NID1: variants seen among roughly 807,000 people sequenced by gnomAD.
The protein encoded by NID1 is nidogen 1.
In NID1, 76 loss-of-function variants were observed where a neutral mutation model predicts 130.6. The observed-to-expected ratio is 0.58, with a 90% CI of 0.48 to 0.70. NID1 has a LOEUF of 0.70. NID1 is among the 30% of genes least tolerant of loss of function. NID1 has a pLI of 0.00. For synonymous variants in NID1, 665 were observed against 675.1 expected (o/e 0.98, Z 0.23); for missense variants, 1,517 against 1,664.8 (o/e 0.91, Z 1.54).
In NID1 at chr1:235,999,060, C is replaced by G. The variant is rs1347976584; in HGVS notation, c.2528-5188G>C. 2.6e-5 allele frequency among the ~76,000 whole-genome samples: 4 copies of G among 152,208 alleles called. No individual in the cohort carries two copies. The East Asian group carries it at 7.7e-4, about 29-fold the overall frequency. ...CTTAGACGGCTCCCTCACATTGAAC[C>G]TGTTACGACAACAGCGATGTACACA... On this transcript the variant is annotated intron_variant, in intron 12 of 19. Coordinates refer to ENST00000264187, the MANE Select transcript of NID1 (RefSeq NM_002508.3).
chr1:236,025,682 T>G (rs1405306079), intron 8 of NID1, among the ~76,000 whole-genome samples: 1 of 152,222 alleles, frequency 6.6e-6, no homozygotes, highest in Non-Finnish European at 1.5e-5. Flanking sequence ...CACTTTACTT[T>G]AGATAGAATC....
In NID1 at chr1:236,042,306, C is replaced by T; in HGVS notation, c.753-14G>A. The T allele has an allele frequency of 6.3e-7, 1 of 1,593,608 alleles. No individual in the cohort carries two copies. The highest frequency in any genetic ancestry group is 8.5e-7 in the Non-Finnish European group (1 of 1,175,662). On this transcript the variant is annotated splice_polypyrimidine_tract_variant and intron_variant, in intron 3 of 19. Coordinates refer to ENST00000264187, the MANE Select transcript of NID1 (RefSeq NM_002508.3). ...GAGTTACTACTCCTAGGAGGAAGGA[C>T]AGGCTTCTTAGAAACAGGCCAGCAA...
At chr1:235,988,880 T>C (rs546122238) in intron 14 of NID1, among the ~76,000 whole-genome samples, 3 of 152,132 alleles carry the variant, frequency 2.0e-5, no homozygotes, top group Admixed American at 1.3e-4. Context: ...GGAGGGAGAA[T>C]GGGGAGGTAT....
intron 3 of NID1, among the ~76,000 whole-genome samples, chr1:236,044,756 A>G (rs537824987): frequency 6.6e-6 from 1 of 152,332 alleles, no homozygotes; most frequent in South Asian, 2.1e-4. Context: ...CTTTTGTCAA[A>G]TTCTACAACA....
intron 1 of NID1, among the ~76,000 whole-genome samples, chr1:236,053,437 TA>T (rs1659816527): frequency 6.6e-6 from 1 of 152,118 alleles, no homozygotes; most frequent in South Asian, 2.1e-4. Flanking sequence ...CCATCTCAGC[TA>T]CCAACAGCAC....
At chr1:235,998,047 C>A (rs765526696) in intron 12 of NID1, among the ~76,000 whole-genome samples, 27 of 152,160 alleles carry the variant, frequency 1.8e-4, no homozygotes, top group Admixed American at 1.7e-3. Context: ...GGTGACGAGA[C>A]AAGGCACACA....
chr1:235,984,653 G>A (rs192757429), intron 15 of NID1, among the ~76,000 whole-genome samples: 1 of 152,332 alleles, frequency 6.6e-6, no homozygotes, highest in East Asian at 1.9e-4. Context: ...ATATTCCCAA[G>A]TCAGTTGATG....
At chr1:236,050,842 C>T (rs148266792) in intron 1 of NID1, among the ~76,000 whole-genome samples, 2,571 of 152,226 alleles carry the variant, frequency 0.017, 78 homozygotes, top group African/African-American at 0.058. Context: ...CTTTGGGAAG[C>T]GGAGGTGGGT....
intron 12 of NID1, among the ~76,000 whole-genome samples, chr1:235,995,523 C>G (rs1298231199): frequency 6.6e-6 from 1 of 152,194 alleles, no homozygotes; most frequent in Non-Finnish European, 1.5e-5. Context: ...ATCGACCACA[C>G]AAAGCAATGT....
At position 235,985,512 on chromosome 1, in the gene NID1, G is replaced by A. The variant is rs749422045; in HGVS notation, c.2929-7C>T. The A allele has an allele frequency of 1.2e-6, 2 of 1,613,878 alleles. No homozygotes were observed. Among genetic ancestry groups the A allele is most frequent in the Admixed American group, 1.7e-5 (1 of 59,994 alleles). The stretch of plus-strand genomic sequence containing the variant: ...GTCCAATGATGACTTTAGCCTGGAT[G>A]TGAAGACCAGTGGTTAGAATGGTCC... On this transcript the variant is annotated splice_polypyrimidine_tract_variant and splice_region_variant and intron_variant, in intron 14 of 19. Coordinates refer to ENST00000264187, the MANE Select transcript of NID1 (RefSeq NM_002508.3).
At chr1:236,013,731 G>A (rs1465133487) in intron 10 of NID1, among the ~76,000 whole-genome samples, 171 bp from the exon 11 acceptor site, 1 of 152,202 alleles carries the variant, frequency 6.6e-6, no homozygotes, top group Admixed American at 6.5e-5. Flanking sequence ...TGCTTTCACC[G>A]TTTCCTCCCA....
intron 12 of NID1, 26 bp downstream of exon 12, chr1:236,011,895 C>T (rs200138338): frequency 1.2e-5 from 19 of 1,612,412 alleles, no homozygotes; most frequent in African/African-American, 2.7e-5. Context: ...AATGGGCTAC[C>T]GACTCCAGAT....
intron 12 of NID1, among the ~76,000 whole-genome samples, chr1:235,999,066 C>G (rs116569743): frequency 2.6e-5 from 4 of 152,180 alleles, no homozygotes; most frequent in African/African-American, 9.7e-5. Context: ...GAACCTGTTA[C>G]GACAACAGCG....
chr1:236,053,553 C>T (rs1659819593), intron 1 of NID1, among the ~76,000 whole-genome samples: 1 of 152,160 alleles, frequency 6.6e-6, no homozygotes, highest in Non-Finnish European at 1.5e-5. Context: ...GGCATCCCCT[C>T]CAGTGGAAGC....
intron 2 of NID1, among the ~76,000 whole-genome samples, chr1:236,046,839 T>C (rs113822686): frequency 8.5e-5 from 13 of 152,246 alleles, no homozygotes; most frequent in African/African-American, 2.9e-4. Context: ...AAATGTGTCA[T>C]GCAGGCCCCT....
In NID1 at chr1:236,017,189, C is replaced by T. The variant is rs1307409080; in HGVS notation, c.2213G>A (p.Cys738Tyr). 1.9e-6 allele frequency: 3 copies of T among 1,614,192 alleles called. No homozygotes were observed. The East Asian group carries it at 6.7e-5, about 36-fold the overall frequency. ...ATCTGAAAACTGGTAGCCCTCCACA[C>T]ACTCGCAGCGGAAGGTTCCTGGGTG... ...NNHPGTFRCE[C>Y]VEGYQFSDEG... Residue 738 changes from cysteine to tyrosine, a missense_variant, in exon 10 of 20, where the codon TGT becomes TAT. This residue lies in a region of NID1 where 1,329 missense variants were observed against 1,429.2 expected (regional missense o/e 0.93). Coordinates refer to ENST00000264187, the MANE Select transcript of NID1 (RefSeq NM_002508.3).
At chr1:236,052,140 C>T (rs1659775620) in intron 1 of NID1, among the ~76,000 whole-genome samples, 1 of 152,220 alleles carries the variant, frequency 6.6e-6, no homozygotes, top group African/African-American at 2.4e-5. Context: ...TTAAACTTCT[C>T]CCTTGTAAAC....
chr1:235,995,586 A>G (rs1008029168), intron 12 of NID1, among the ~76,000 whole-genome samples: 1 of 152,226 alleles, frequency 6.6e-6, no homozygotes, highest in Non-Finnish European at 1.5e-5. Context: ...GCTAAGAGCT[A>G]TACTTCATCC....
At chr1:236,016,652 TAAGAA>T (rs1049402593) in intron 10 of NID1, among the ~76,000 whole-genome samples, 6 of 152,176 alleles carry the variant, frequency 3.9e-5, no homozygotes, top group African/African-American at 9.7e-5. Flanking sequence ...TCTATAAGGC[TAAGAA>T]ATTATGCTGC....
Sources: gnomAD v4.1 joint callset for allele counts (sites outside exome capture counted in the v4.1 genomes callset) on GRCh38, gnomAD v4.1.1 for gene constraint, gnomAD v4.1.1 regional missense constraint, MANE v1.5 for transcripts, NCBI Gene and HGNC (gene_info 2026-07-23, HGNC 2026-07-21) for gene names.